PARP9: variants seen among roughly 807,000 people sequenced by gnomAD.
The protein encoded by PARP9 is protein mono-ADP-ribosyltransferase PARP9.
Under a neutral mutation model 68.8 loss-of-function variants are expected in PARP9, and 48 were observed. The ratio of observed to expected loss-of-function variants is 0.70; its 90% CI spans 0.55 to 0.89. The LOEUF (loss-of-function observed/expected upper bound fraction) is 0.89. Ranked by LOEUF, PARP9 falls within the 40% of genes least tolerant of loss-of-function variation. The probability of loss-of-function intolerance (pLI) is 0.00; values close to 1 mark genes in which losing one functional copy is unlikely to be tolerated. For synonymous variants in PARP9, 309 were observed against 333.8 expected, an observed-to-expected ratio of 0.93 and a Z score of 0.81; for missense variants, 806 against 969.3, an observed-to-expected ratio of 0.83 and a Z score of 2.24.
intron 6 of PARP9, among the ~76,000 whole-genome samples, chr3:122,548,068 C>T (rs957054356): frequency 6.6e-6 from 1 of 152,202 alleles, no homozygotes; most frequent in Admixed American, 6.5e-5. Context: ...AGCTGGCATA[C>T]AATGACTCAA....
chr3:122,564,126 T>A, intron 1 of PARP9, 119 bp downstream of exon 1: 1 of 421,874 alleles, frequency 2.4e-6, no homozygotes, highest in East Asian at 4.2e-5. Flanking sequence ...TTGCATAGTC[T>A]ACTCACAAGG....
intron 1 of PARP9, among the ~76,000 whole-genome samples, chr3:122,560,976 C>T (rs2080154036): frequency 6.6e-6 from 1 of 152,194 alleles, no homozygotes; most frequent in Admixed American, 6.5e-5. Context: ...GCATAGTGCC[C>T]TAAGCATTCC....
intron 8 of PARP9, among the ~76,000 whole-genome samples, chr3:122,539,774 G>C (rs2078046342): frequency 6.6e-6 from 1 of 152,010 alleles, no homozygotes; most frequent in Admixed American, 6.6e-5. Flanking sequence ...ATGTTGGTCA[G>C]ATTGGTCTTG....
At chr3:122,542,191 C>CCTCTTCTT (rs2078283385) in intron 7 of PARP9, among the ~76,000 whole-genome samples, 1 of 150,552 alleles carries the variant, frequency 6.6e-6, no homozygotes, top group Non-Finnish European at 1.5e-5. Flanking sequence ...TCTTCTTCTT[C>CCTCTTCTT]CTCTTCTTCC....
intron 10 of PARP9, chr3:122,533,846 T>C (rs1474425301): frequency 2.0e-6 from 2 of 985,372 alleles, no homozygotes; most frequent in Non-Finnish European, 2.4e-6. Context: ...CCTTTGCCTG[T>C]GGGTGGCCAT....
At chr3:122,558,009 T>A (rs1431899937) in intron 3 of PARP9, among the ~76,000 whole-genome samples, 1 of 152,256 alleles carries the variant, frequency 6.6e-6, no homozygotes, top group Non-Finnish European at 1.5e-5. Context: ...GAAAGACCTC[T>A]TGTGGCCTCA....
chr3:122,535,343 A>G, intron 10 of PARP9: 7 of 985,412 alleles, frequency 7.1e-6, no homozygotes, highest in Non-Finnish European at 8.4e-6. Flanking sequence ...CAAAGAAAAG[A>G]TGATTTCTAG....
chr3:122,545,815 A>C (rs1198254408), intron 6 of PARP9: 1 of 276,388 alleles, frequency 3.6e-6, no homozygotes, highest in African/African-American at 2.2e-5. Context: ...AAAGCTGTGG[A>C]TATGTCACTG....
At chr3:122,537,298 G>A (rs1218617203) in intron 8 of PARP9, among the ~76,000 whole-genome samples, 1 of 152,172 alleles carries the variant, frequency 6.6e-6, no homozygotes, top group Non-Finnish European at 1.5e-5. Flanking sequence ...AGGCTAAGGG[G>A]ATGTGAGTAA....
intron 3 of PARP9, among the ~76,000 whole-genome samples, chr3:122,556,850 T>C (rs1379104434): frequency 1.3e-5 from 2 of 152,154 alleles, no homozygotes; most frequent in Non-Finnish European, 2.9e-5. Context: ...AGGGTCTCAC[T>C]GTGTTGCTCA....
chr3:122,546,060 A>T (rs2078675050), intron 6 of PARP9: 1 of 152,394 alleles, frequency 6.6e-6, no homozygotes, highest in Non-Finnish European at 1.5e-5. Flanking sequence ...ACACAGATCC[A>T]TTAACATAAT....
rs1559872310 is a variant in PARP9, at chr3:122,556,098, A to G, written c.73T>C (p.Tyr25His). The part of the protein sequence containing the change: ...KSETGALGEN[Y>H]SWQIPINHND... ...TGGTTAATGGGAATTTGCCAACTAT[A>G]GTTTTCTCCAAGAGCACCAGTCTCT... is the stretch of plus-strand genomic sequence containing the variant. Residue 25 changes from tyrosine (Y) to histidine (H), a missense_variant, in exon 4 of 11, where the codon TAT becomes CAT. Tyr to His is a moderately conservative substitution (Grantham distance 83, BLOSUM62 2). Coordinates refer to ENST00000682323, the MANE Select transcript of PARP9 (RefSeq NM_001146105.2). 1 of 1,432,298 alleles carries G rather than the reference A, an allele frequency of 7.0e-7. No individual in the cohort carries two copies. Among genetic ancestry groups the G allele is most frequent in the Admixed American group, 1.9e-5 (1 of 52,332 alleles). 88.7% of individuals were successfully genotyped at this position (1,432,298 alleles called of 1,614,324 possible).
intron 6 of PARP9, among the ~76,000 whole-genome samples, chr3:122,549,920 A>T (rs969226754): frequency 1.3e-5 from 2 of 152,244 alleles, no homozygotes; most frequent in East Asian, 3.9e-4. Context: ...TTGTAAGAAC[A>T]GTTGTGTTCT....
At position 122,539,318 on chromosome 3, in the gene PARP9, C is replaced by T. The variant is rs541673528; in HGVS notation, c.1765+1154G>A. Among the ~76,000 whole-genome samples, 9 of 152,272 alleles carry T rather than the reference C, an allele frequency of 5.9e-5. No individual in the cohort carries two copies. The South Asian group carries it at 8.3e-4, about 14-fold the overall frequency. On this transcript the variant is annotated intron_variant, in intron 8 of 10. Coordinates refer to ENST00000682323, the MANE Select transcript of PARP9 (RefSeq NM_001146105.2). ...TCCGCAGTGCTCCCAGAGCACTTTT[C>T]GCTCTCCTCTATCATCACTAATCTG...
At chr3:122,557,338 T>G (rs1199393511) in intron 3 of PARP9, among the ~76,000 whole-genome samples, 1 of 152,148 alleles carries the variant, frequency 6.6e-6, no homozygotes, top group Non-Finnish European at 1.5e-5. Flanking sequence ...TGATACTGTC[T>G]GCTTCAGTTC....
intron 10 of PARP9, chr3:122,535,670 T>C: frequency 1.0e-6 from 1 of 986,956 alleles, no homozygotes; most frequent in African/African-American, 1.7e-5. Context: ...GATCTTAAGA[T>C]GTTATGCACT....
Position 122,555,930 on chromosome 3 carries a change from G to A in PARP9, c.241C>T (p.Pro81Ser). The A allele has an allele frequency of 6.2e-7, 1 of 1,613,868 alleles. No homozygotes were observed. The highest frequency in any genetic ancestry group is 8.5e-7 in the Non-Finnish European group (1 of 1,179,966). ...TTCCAGACTGATAACTCTATCCTAG[G>A]AGTCAGCATTTTTCTGAACACTTGC... ...SLQVFRKMLT[P>S]RIELSVWKDD... The change falls in exon 4 of 11, where the codon CCT becomes TCT. Residue 81 changes from proline to serine, a missense_variant. By Grantham distance (74) the Pro-to-Ser change is moderately conservative. This residue lies in a region of PARP9 where 126 missense variants were observed against 110.5 expected (regional missense o/e 1.14). Transcript: ENST00000682323.
At position 122,559,524 on chromosome 3, in the gene PARP9, A is replaced by C. The variant is rs144093218; in HGVS notation, c.15+82T>G. ...ATGAGGATGTCAACTGTTGGTGAAC[A>C]CCCCAGATTTCTTGCTGTTATATAA... On this transcript the variant is annotated intron_variant, in intron 2 of 10. Coordinates refer to ENST00000682323, the MANE Select transcript of PARP9 (RefSeq NM_001146105.2). 4 of 1,371,868 alleles carry C rather than the reference A, an allele frequency of 2.9e-6. No homozygotes were observed. The African/African-American group carries it at 4.4e-5, about 15-fold the overall frequency. 85.0% of individuals were successfully genotyped at this position (1,371,868 alleles called of 1,614,324 possible).
chr3:122,545,520 T>A (rs1378156093), intron 6 of PARP9, 31 bp from the exon 7 acceptor site: 1 of 1,609,894 alleles, frequency 6.2e-7, no homozygotes, highest in Non-Finnish European at 8.5e-7. Flanking sequence ...CAGAGAGTCA[T>A]AAGCAGGGCT....
Sources: gnomAD v4.1 joint callset for allele counts (sites outside exome capture counted in the v4.1 genomes callset) on GRCh38, gnomAD v4.1.1 for gene constraint, gnomAD v4.1.1 regional missense constraint, MANE v1.5 for transcripts, NCBI Gene and HGNC (gene_info 2026-07-23, HGNC 2026-07-21) for gene names.